Variants in DMD observed in about 807,000 individuals in gnomAD.
DMD encodes the protein dystrophin, also known as mutant dystrophin.
In DMD, 63 loss-of-function variants were observed where a neutral mutation model predicts 330.1. The ratio of observed to expected loss-of-function variants is 0.19; its 90% CI spans 0.16 to 0.24. The LOEUF is 0.24. Among genes scored for constraint, DMD ranks in the 10% least tolerant of loss-of-function variants. The probability of loss-of-function intolerance (pLI) is 1.00; values close to 1 mark genes in which losing one functional copy is unlikely to be tolerated. For missense variants in DMD, 3,344 were observed against 2,684.1 expected, an observed-to-expected ratio of 1.25 and a Z score of -5.43; for synonymous variants, 1,223 against 959.8, an observed-to-expected ratio of 1.27 and a Z score of -5.07.
rs191234678 is a variant in DMD, at chrX:31,168,099, A to G, written c.10553+1344T>C. Among the ~76,000 whole-genome samples the G allele has an allele frequency of 2.0e-4, 22 of 111,878 alleles. No individual in the cohort carries two copies. The East Asian group carries it at 6.2e-3, about 31-fold the overall frequency. On this transcript the variant is annotated intron_variant, in intron 74 of 78. Coordinates refer to ENST00000357033, the MANE Select transcript of DMD (RefSeq NM_004006.3). ...GTGGGATTCCTTTGTCAGATACGGCAGTGGTGGGTTAGAGGTTAGCAGTTA... is the reference window on the plus strand; with the variant it reads ...GTGGGATTCCTTTGTCAGATACGGCGGTGGTGGGTTAGAGGTTAGCAGTTA...
chrX:31,550,614 G>A (rs779107521), intron 55 of DMD, among the ~76,000 whole-genome samples: 5 of 111,984 alleles, frequency 4.5e-5, no homozygotes, highest in Non-Finnish European at 9.4e-5. Context: ...AATTTTAACT[G>A]TTCTTGATTT....
intron 7 of DMD, among the ~76,000 whole-genome samples, chrX:32,764,654 T>C (rs1375392589): frequency 8.9e-6 from 1 of 112,240 alleles, no homozygotes; most frequent in African/African-American, 3.2e-5. Flanking sequence ...TTCTACTGTA[T>C]ACATTTACCA....
At chrX:32,397,630 C>G (rs2098054560) in intron 30 of DMD, among the ~76,000 whole-genome samples, 3 of 111,772 alleles carry the variant, frequency 2.7e-5, no homozygotes, top group Non-Finnish European at 5.7e-5. Flanking sequence ...ATCGAATTAA[C>G]CATTTTTCCA....
At chrX:33,007,831 A>G (rs1007547682) in intron 2 of DMD, among the ~76,000 whole-genome samples, 2 of 111,756 alleles carry the variant, frequency 1.8e-5, no homozygotes, top group African/African-American at 6.5e-5. Context: ...TACTCAAAAT[A>G]TTTATTCTCT....
chrX:32,257,796 C>G (rs369602588), intron 43 of DMD, among the ~76,000 whole-genome samples: 2 of 111,511 alleles, frequency 1.8e-5, no homozygotes, highest in East Asian at 2.8e-4. Flanking sequence ...GCAACAGCAA[C>G]AAAAGCCAAA....
chrX:32,157,010 A>G (rs1339397733), intron 44 of DMD, among the ~76,000 whole-genome samples: 1 of 112,156 alleles, frequency 8.9e-6, no homozygotes, highest in Non-Finnish European at 1.9e-5. Context: ...AACACACCTA[A>G]TTTGATAGAT....
Position 32,675,958 on chromosome X carries a change from A to G in DMD, c.960+21912T>C, listed in dbSNP as rs749001164. Among the ~76,000 whole-genome samples the G allele has an allele frequency of 9.8e-5, 11 of 111,678 alleles. No individual in the cohort carries two copies. In the South Asian group the frequency reaches 3.7e-3, roughly 38 times the overall value. On this transcript the variant is annotated intron_variant, in intron 9 of 78. Transcript: ENST00000357033. Reference sequence around the variant, plus strand: ...GGTTCATTATCTAAGATCAACACTCAGGAAGGAGCTTAGGCTAATAAAATG... The same window carrying G: ...GGTTCATTATCTAAGATCAACACTCGGGAAGGAGCTTAGGCTAATAAAATG...
intron 60 of DMD, among the ~76,000 whole-genome samples, chrX:31,396,839 G>T (rs188671050): frequency 9.0e-6 from 1 of 111,711 alleles, no homozygotes; most frequent in Non-Finnish European, 1.9e-5. Context: ...TTTAGAAAAC[G>T]TAACATCTAA....
chrX:32,509,702 T>A (rs1276027155), intron 18 of DMD, among the ~76,000 whole-genome samples: 3 of 111,865 alleles, frequency 2.7e-5, no homozygotes, highest in African/African-American at 9.8e-5. Flanking sequence ...TTCTTAGAAG[T>A]ATTTGCTAAT....
chrX:31,846,157 A>G (rs2093422922), intron 48 of DMD, among the ~76,000 whole-genome samples: 1 of 111,067 alleles, frequency 9.0e-6, no homozygotes, highest in Non-Finnish European at 1.9e-5. Context: ...TATTACAGAT[A>G]AGCAAGGAAG....
chrX:32,560,426 A>C (rs773916475), intron 16 of DMD, among the ~76,000 whole-genome samples: 2 of 111,240 alleles, frequency 1.8e-5, no homozygotes, highest in African/African-American at 6.5e-5. Context: ...TAATTATAAT[A>C]AATTTCTTAC....
intron 44 of DMD, among the ~76,000 whole-genome samples, chrX:32,089,759 G>T (rs1384666010): frequency 8.9e-6 from 1 of 111,940 alleles, no homozygotes; most frequent in Non-Finnish European, 1.9e-5. Context: ...TACACAACGT[G>T]CATATGTCTT....
intron 44 of DMD, among the ~76,000 whole-genome samples, chrX:32,022,958 G>A (rs765560869): frequency 5.5e-4 from 60 of 108,278 alleles, no homozygotes; most frequent in African/African-American, 1.9e-3. Context: ...TCAGCCTCCC[G>A]AGTAGCTGAG....
chrX:32,269,811 T>C (rs2097359006), intron 43 of DMD, among the ~76,000 whole-genome samples: 1 of 112,371 alleles, frequency 8.9e-6, no homozygotes, highest in South Asian at 3.6e-4. Flanking sequence ...TTTTGTTTTG[T>C]TTTTCTCACT....
chrX:32,124,989 T>G (rs769759618), intron 44 of DMD, among the ~76,000 whole-genome samples: 47 of 106,589 alleles, frequency 4.4e-4, no homozygotes, highest in Non-Finnish European at 8.5e-4. Context: ...ACAAAGTTAG[T>G]GTAGTTGGAG....
chrX:32,511,475 T>G (rs772200794), intron 18 of DMD, among the ~76,000 whole-genome samples: 2 of 96,576 alleles, frequency 2.1e-5, no homozygotes, highest in Admixed American at 2.5e-4. Context: ...TGAGCCAAGA[T>G]TGCGCCACTG....
chrX:31,650,099 T>A (rs1307317727), intron 54 of DMD, among the ~76,000 whole-genome samples: 9 of 105,159 alleles, frequency 8.6e-5, no homozygotes, highest in Non-Finnish European at 1.7e-4. Context: ...TAGCTGGGAC[T>A]ACAAACTTGG....
chrX:32,553,904 C>T (rs929531498), intron 16 of DMD, among the ~76,000 whole-genome samples: 1 of 111,486 alleles, frequency 9.0e-6, no homozygotes, highest in African/African-American at 3.3e-5. Flanking sequence ...GCAACCCTTG[C>T]CAGATCGTGG....
At chrX:31,697,341 T>C (rs1469472092) in intron 52 of DMD, among the ~76,000 whole-genome samples, 1 of 111,972 alleles carries the variant, frequency 8.9e-6, no homozygotes, top group African/African-American at 3.2e-5. Flanking sequence ...ATGTTTGTAA[T>C]TGAAGAGCTA....
Sources: allele counts gnomAD v4.1 joint callset (sites outside exome capture counted in the v4.1 genomes callset), GRCh38; gene constraint gnomAD v4.1.1; transcripts MANE v1.5; gene names NCBI Gene and HGNC (gene_info 2026-07-23, HGNC 2026-07-21).